ANKFN1: variants seen among roughly 807,000 people sequenced by gnomAD.
ANKFN1 encodes the protein ankyrin repeat and fibronectin type III domain containing 1, also known as ankyrin repeat and fibronectin type-III domain-containing protein 1.
In ANKFN1, 74 loss-of-function variants were observed where a neutral mutation model predicts 108.7. The ratio of observed to expected loss-of-function variants is 0.68; its 90% CI spans 0.56 to 0.83. ANKFN1 has a LOEUF of 0.83. ANKFN1 is among the 40% of genes least tolerant of loss of function. The probability of loss-of-function intolerance (pLI) is 0.00; values close to 1 mark genes in which losing one functional copy is unlikely to be tolerated. For synonymous variants in ANKFN1, 547 were observed against 516.2 expected (o/e 1.06, Z -0.81); for missense variants, 1,505 against 1,382.3 (o/e 1.09, Z -1.41).
At chr17:56,235,543 A>T (rs1917064200) in intron 3 of ANKFN1, among the ~76,000 whole-genome samples, 1 of 152,080 alleles carries the variant, frequency 6.6e-6, no homozygotes, top group Non-Finnish European at 1.5e-5. Flanking sequence ...TGGTGTAAGG[A>T]AAGGGTCCCG....
chr17:56,354,479 A>G (rs2046325495), intron 6 of ANKFN1, among the ~76,000 whole-genome samples: 1 of 152,224 alleles, frequency 6.6e-6, no homozygotes, highest in African/African-American at 2.4e-5. Flanking sequence ...GGTGCTAGGA[A>G]TGTAACAGTG....
intron 8 of ANKFN1, among the ~76,000 whole-genome samples, chr17:56,429,095 G>A (rs1407433056): frequency 6.6e-6 from 1 of 152,034 alleles, no homozygotes; most frequent in Non-Finnish European, 1.5e-5. Context: ...GTATACAGTG[G>A]GGTAAAAACA....
intron 3 of ANKFN1, among the ~76,000 whole-genome samples, chr17:56,318,160 A>C (rs542142575): frequency 4.6e-5 from 7 of 152,202 alleles, no homozygotes; most frequent in Non-Finnish European, 7.4e-5. Flanking sequence ...CTCTGCAATT[A>C]ACCTTCATAT....
At chr17:56,300,490 TA>T (rs2044641704) in intron 3 of ANKFN1, among the ~76,000 whole-genome samples, 1 of 152,094 alleles carries the variant, frequency 6.6e-6, no homozygotes, top group Admixed American at 6.5e-5. Context: ...ACTTAACTCA[TA>T]AAAATGGTTT....
chr17:56,214,572 GA>G (rs1038548784), intron 2 of ANKFN1, among the ~76,000 whole-genome samples: 9 of 152,276 alleles, frequency 5.9e-5, no homozygotes, highest in African/African-American at 1.9e-4. Flanking sequence ...CATGGTTAGC[GA>G]AAAAGAATGC....
intron 1 of ANKFN1, among the ~76,000 whole-genome samples, chr17:56,205,199 T>C: frequency 6.6e-6 from 1 of 152,240 alleles, no homozygotes; most frequent in East Asian, 1.9e-4. Context: ...ATTTCAGGAC[T>C]GAATGAAGAG....
At chr17:56,306,157 T>C (rs1239929835) in intron 3 of ANKFN1, among the ~76,000 whole-genome samples, 1 of 152,242 alleles carries the variant, frequency 6.6e-6, no homozygotes, top group African/African-American at 2.4e-5. Flanking sequence ...CCTTTTCAAC[T>C]GTATTTTAGA....
intron 4 of ANKFN1, among the ~76,000 whole-genome samples, chr17:56,060,180 C>CT (rs1231102788): frequency 6.6e-6 from 1 of 152,072 alleles, no homozygotes; most frequent in Admixed American, 6.5e-5. Context: ...GTATTTTATT[C>CT]TTTTTGTAGC....
At chr17:56,106,554 T>G (rs1905756232) in intron 4 of ANKFN1, among the ~76,000 whole-genome samples, 1 of 152,194 alleles carries the variant, frequency 6.6e-6, no homozygotes, top group Non-Finnish European at 1.5e-5. Context: ...AATCTGTGGG[T>G]TCATTTTCTC....
intron 8 of ANKFN1, among the ~76,000 whole-genome samples, chr17:56,403,702 T>A (rs1271196548): frequency 6.6e-6 from 1 of 152,172 alleles, no homozygotes; most frequent in Non-Finnish European, 1.5e-5. Context: ...CTTTGGTGCC[T>A]GTGTACTTTG....
At chr17:56,139,070 T>C (rs763883184) in intron 4 of ANKFN1, among the ~76,000 whole-genome samples, 4 of 152,228 alleles carry the variant, frequency 2.6e-5, no homozygotes, top group Non-Finnish European at 5.9e-5. Context: ...TCAGAAGCTA[T>C]CCAAATTTAC....
At chr17:56,249,930 T>G (rs1380641982) in intron 3 of ANKFN1, among the ~76,000 whole-genome samples, 1 of 152,186 alleles carries the variant, frequency 6.6e-6, no homozygotes, top group Non-Finnish European at 1.5e-5. Context: ...TGCTGCACCA[T>G]TGTTAGCATT....
chr17:56,067,158 C>T, intron 4 of ANKFN1, among the ~76,000 whole-genome samples: 1 of 152,072 alleles, frequency 6.6e-6, no homozygotes, highest in Non-Finnish European at 1.5e-5. Context: ...CACTGCACTC[C>T]AGCCTGGGCA....
intron 8 of ANKFN1, among the ~76,000 whole-genome samples, chr17:56,392,645 AT>A (rs1193577170): frequency 6.6e-6 from 1 of 152,198 alleles, no homozygotes; most frequent in Non-Finnish European, 1.5e-5. Context: ...TTCTCCAAAT[AT>A]TTCACACGAT....
intron 4 of ANKFN1, among the ~76,000 whole-genome samples, chr17:56,125,485 G>T (rs1172771252): frequency 6.6e-6 from 1 of 152,188 alleles, no homozygotes; most frequent in Non-Finnish European, 1.5e-5. Context: ...GGGTGAGTAG[G>T]ACTTCCATAG....
At position 56,409,982 on chromosome 17, in the gene ANKFN1, T is replaced by C. The variant is rs541903541; in HGVS notation, c.911-30345T>C. On this transcript the variant is annotated intron_variant, in intron 8 of 20. Coordinates refer to ENST00000682825, the MANE Select transcript of ANKFN1 (RefSeq NM_001370326.1). ...TACTTAATATAATATATAATTTTTT[T>C]AAAAAAACTGAAAGTAGAGTACTAT... is the stretch of plus-strand genomic sequence containing the variant. Among the ~76,000 whole-genome samples the C allele has an allele frequency of 9.9e-5, 15 of 152,220 alleles. No homozygotes were observed. The South Asian group carries it at 3.1e-3, about 32-fold the overall frequency.
intron 4 of ANKFN1, among the ~76,000 whole-genome samples, chr17:56,100,031 G>A (rs946934900): frequency 4.6e-5 from 7 of 152,160 alleles, no homozygotes; most frequent in Admixed American, 6.5e-5. Flanking sequence ...CAAAGAAAGC[G>A]GCAACAAACA....
chr17:56,336,634 G>A (rs999360153), intron 4 of ANKFN1, among the ~76,000 whole-genome samples: 3 of 151,946 alleles, frequency 2.0e-5, no homozygotes, highest in Non-Finnish European at 4.4e-5. Context: ...TCTTGCTAGA[G>A]GTCTATCAAT....
At chr17:56,115,011 G>A (rs746937268) in intron 4 of ANKFN1, among the ~76,000 whole-genome samples, 14 of 152,314 alleles carry the variant, frequency 9.2e-5, no homozygotes, top group African/African-American at 2.2e-4. Context: ...AAATGCAGTC[G>A]TAGCAACACT....
Sources: allele counts gnomAD v4.1 joint callset (sites outside exome capture counted in the v4.1 genomes callset), GRCh38; gene constraint gnomAD v4.1.1; transcripts MANE v1.5; gene names NCBI Gene and HGNC (gene_info 2026-07-23, HGNC 2026-07-21).